SLC28A3: variants seen among roughly 807,000 people sequenced by gnomAD.
The protein encoded by SLC28A3 is solute carrier family 28 member 3, also known as concentrative Na(+)-nucleoside cotransporter 3.
Under a neutral mutation model 84.2 loss-of-function variants are expected in SLC28A3, and 68 were observed. The observed-to-expected ratio is 0.81, with a 90% CI of 0.66 to 0.99. The LOEUF is 0.99. SLC28A3 is among the 50% of genes least tolerant of loss of function. The pLI is 0.00. For synonymous variants in SLC28A3, 267 were observed against 303.6 expected, an observed-to-expected ratio of 0.88 and a Z score of 1.25; for missense variants, 712 against 841.5, an observed-to-expected ratio of 0.85 and a Z score of 1.90.
intron 1 of SLC28A3, among the ~76,000 whole-genome samples, chr9:84,338,999 C>A (rs923046578): frequency 2.0e-5 from 3 of 152,144 alleles, no homozygotes; most frequent in Non-Finnish European, 4.4e-5. Flanking sequence ...AAGAGAGCAA[C>A]CCTTATCACC....
At chr9:84,341,205 A>C (rs1290695335), upstream of SLC28A3, among the ~76,000 whole-genome samples, 1 of 152,038 alleles carries the variant, frequency 6.6e-6, no homozygotes, top group Non-Finnish European at 1.5e-5. Flanking sequence ...TCCTGACCTC[A>C]AGTGATCCAC....
chr9:84,278,956 T>TA (rs147539950), intron 17 of SLC28A3, among the ~76,000 whole-genome samples: 8,926 of 152,034 alleles, frequency 0.059, 848 homozygotes, highest in African/African-American at 0.2. Context: ...ACAAAGTGCG[T>TA]AACACACAGC....
chr9:84,343,166 A>G (rs998623540), upstream of SLC28A3, among the ~76,000 whole-genome samples: 19 of 151,920 alleles, frequency 1.3e-4, no homozygotes, highest in Non-Finnish European at 1.9e-4. Flanking sequence ...ACTGGGTGAC[A>G]GAGCAAGACT....
intron 1 of SLC28A3, among the ~76,000 whole-genome samples, chr9:84,320,761 G>A (rs1175703169): frequency 3.9e-5 from 6 of 152,058 alleles, no homozygotes; most frequent in African/African-American, 7.2e-5. Context: ...AGGCCGAGGA[G>A]GGTGGAACAC....
At chr9:84,324,316 T>A (rs1444016719) in intron 1 of SLC28A3, among the ~76,000 whole-genome samples, 1 of 152,190 alleles carries the variant, frequency 6.6e-6, no homozygotes, top group Non-Finnish European at 1.5e-5. Flanking sequence ...GTTTGGCAGA[T>A]GCGAAAATCA....
chr9:84,327,669 G>A (rs1826617367), intron 1 of SLC28A3, among the ~76,000 whole-genome samples: 1 of 152,128 alleles, frequency 6.6e-6, no homozygotes, highest in South Asian at 2.1e-4. Context: ...GCTAATGCCT[G>A]TAATCCCAGC....
the SLC28A3 span, among the ~76,000 whole-genome samples, chr9:84,355,331 G>C: frequency 1.3e-5 from 2 of 152,118 alleles, no homozygotes; most frequent in Non-Finnish European, 2.9e-5. Context: ...CCAGCTAACT[G>C]GGAGGCTGGG....
At chr9:84,297,040 G>A (rs547357365) in intron 8 of SLC28A3, among the ~76,000 whole-genome samples, 181 bp downstream of exon 8, 9 of 152,232 alleles carry the variant, frequency 5.9e-5, no homozygotes, top group African/African-American at 1.7e-4. Context: ...GGTAAAATGC[G>A]TGCAGTCCAC....
the SLC28A3 span, among the ~76,000 whole-genome samples, chr9:84,348,910 A>AT: frequency 0.12 from 16,494 of 140,660 alleles, 1,880 homozygotes; most frequent in African/African-American, 0.29. Flanking sequence ...ATAAACTTGT[A>AT]TTTTTTTTTT....
chr9:84,347,396 C>T, the SLC28A3 span, among the ~76,000 whole-genome samples: 5,208 of 152,086 alleles, frequency 0.034, 215 homozygotes, highest in African/African-American at 0.097. Context: ...GCTTTTCTAG[C>T]AACACAACTC....
chr9:84,349,814 C>T, the SLC28A3 span, among the ~76,000 whole-genome samples: 1 of 152,216 alleles, frequency 6.6e-6, no homozygotes, highest in Non-Finnish European at 1.5e-5. Flanking sequence ...TATGGATAAA[C>T]AAGAATCTTC....
At chr9:84,355,449 A>C in the SLC28A3 span, among the ~76,000 whole-genome samples, 15,400 of 152,210 alleles carry the variant, frequency 0.1, 846 homozygotes, top group East Asian at 0.18. Context: ...GGGGAAAAAA[A>C]CACGTCAGGC....
At chr9:84,298,167 A>G (rs1825488045) in intron 6 of SLC28A3, 148 bp from the exon 7 acceptor site, 1 of 667,236 alleles carries the variant, frequency 1.5e-6, no homozygotes, top group Admixed American at 3.2e-5. Flanking sequence ...TGTCATAAGC[A>G]GAGAACCCTT....
At chr9:84,306,992 TAC>T (rs1825812331) in intron 3 of SLC28A3, among the ~76,000 whole-genome samples, 1 of 24,712 alleles carries the variant, frequency 4.0e-5, no homozygotes, top group Non-Finnish European at 7.1e-5. Flanking sequence ...ACCTTGTCTC[TAC>T]AAAAAAAAAA....
At chr9:84,342,851 G>A (rs1827192436), upstream of SLC28A3, among the ~76,000 whole-genome samples, 1 of 152,146 alleles carries the variant, frequency 6.6e-6, no homozygotes, top group Admixed American at 6.6e-5. Flanking sequence ...CAGCCAGTCA[G>A]GAACAAAATT....
chr9:84,326,409 A>G (rs374558761), intron 1 of SLC28A3, among the ~76,000 whole-genome samples: 14 of 152,082 alleles, frequency 9.2e-5, no homozygotes, highest in African/African-American at 3.4e-4. Context: ...ACAAAACAAA[A>G]CCTAGAGCTT....
chr9:84,354,869 A>AAAAG, the SLC28A3 span, among the ~76,000 whole-genome samples: 1 of 152,054 alleles, frequency 6.6e-6, no homozygotes, highest in Admixed American at 6.5e-5. Flanking sequence ...AAAGAAAAAA[A>AAAAG]AAAGAAAGAA....
intron 3 of SLC28A3, 66 bp from the exon 4 acceptor site, chr9:84,305,411 G>A (rs1371307934): frequency 7.6e-7 from 1 of 1,314,170 alleles, no homozygotes. Flanking sequence ...ACTGCATGGT[G>A]AGGCTAGATT....
chr9:84,302,840 C>T (rs1463813894), intron 4 of SLC28A3, among the ~76,000 whole-genome samples: 5 of 152,118 alleles, frequency 3.3e-5, no homozygotes, highest in Non-Finnish European at 7.4e-5. Context: ...GACCTACCAA[C>T]AACAGACTAC....
Sources: gnomAD v4.1 joint callset for allele counts (sites outside exome capture counted in the v4.1 genomes callset) on GRCh38, gnomAD v4.1.1 for gene constraint, MANE v1.5 for transcripts, NCBI Gene and HGNC (gene_info 2026-07-23, HGNC 2026-07-21) for gene names.